The following QKI variants were observed in gnomAD, a reference collection of about 807,000 sequenced individuals.
QKI encodes QKI, KH domain containing RNA binding, also known as KH domain-containing RNA-binding protein QKI.
A neutral mutation model predicts 39.0 loss-of-function variants in QKI; 10 were observed. The ratio of observed to expected loss-of-function variants is 0.26; its 90% confidence interval spans 0.16 to 0.43. The LOEUF is 0.43. Among genes scored for constraint, QKI ranks in the 20% least tolerant of loss-of-function variants. The pLI, the probability that QKI is intolerant of heterozygous loss-of-function variation, is 1.00. For synonymous variants in QKI, 204 were observed against 155.4 expected, an observed-to-expected ratio of 1.31 and a Z score of -2.33; for missense variants, 218 against 428.0, an observed-to-expected ratio of 0.51 and a Z score of 4.33.
intron 1 of QKI, among the ~76,000 whole-genome samples, chr6:163,435,084 C>G (rs900753325): frequency 6.6e-6 from 1 of 152,116 alleles, no homozygotes; most frequent in African/African-American, 2.4e-5. Flanking sequence ...TTTTATCTCA[C>G]AGTGAATTCA....
intron 3 of QKI, among the ~76,000 whole-genome samples, chr6:163,481,517 C>T (rs1056408492): frequency 6.6e-6 from 1 of 152,104 alleles, no homozygotes; most frequent in Non-Finnish European, 1.5e-5. Flanking sequence ...AAATGAAAGG[C>T]TTAGGTGTAC....
At chr6:163,564,825 T>C in intron 6 of QKI, 5 of 1,581,422 alleles carry the variant, frequency 3.2e-6, no homozygotes, top group Non-Finnish European at 4.3e-6. Context: ...AATACTTTTT[T>C]TCCTGAATTG....
At chr6:163,497,680 T>C (rs1235290824) in intron 3 of QKI, among the ~76,000 whole-genome samples, 1 of 152,080 alleles carries the variant, frequency 6.6e-6, no homozygotes, top group Non-Finnish European at 1.5e-5. Flanking sequence ...CCCTATTACC[T>C]TTGTATTTTG....
intron 3 of QKI, among the ~76,000 whole-genome samples, chr6:163,495,217 A>C (rs1281278168): frequency 1.3e-5 from 2 of 152,090 alleles, no homozygotes; most frequent in Non-Finnish European, 2.9e-5. Flanking sequence ...GCTTGGCCTA[A>C]ATAAGGTGTC....
chr6:163,563,455 G>T lies in QKI; in HGVS notation c.670G>T (p.Ala224Ser). 6 of 1,613,392 alleles carry T rather than the reference G, an allele frequency of 3.7e-6. No homozygotes were observed. Among genetic ancestry groups the T allele is most frequent in the South Asian group, 1.1e-5 (1 of 91,052 alleles). The part of the protein sequence containing the change: ...LAFSLAATAQ[A>S]APRIITGPAP... ...CTTTTCTCTTGCAGCAACAGCCCAGGCTGCTCCAAGGATCATTACTGGGCC... is the reference window on the plus strand; with the variant it reads ...CTTTTCTCTTGCAGCAACAGCCCAGTCTGCTCCAAGGATCATTACTGGGCC... The change falls in exon 6 of 8, where the codon GCT (alanine) becomes TCT (serine). Residue 224 changes from alanine (A) to serine (S), a missense_variant. Physicochemically the swap from Ala to Ser is moderately conservative, Grantham distance 99. This residue lies in a region of QKI where 117 missense variants were observed against 186.0 expected (regional missense o/e 0.63). Coordinates refer to ENST00000361752, the MANE Select transcript of QKI (RefSeq NM_006775.3).
intron 4 of QKI, among the ~76,000 whole-genome samples, chr6:163,553,634 G>C (rs1043124900): frequency 2.6e-5 from 4 of 151,986 alleles, no homozygotes; most frequent in African/African-American, 9.7e-5. Flanking sequence ...TATCATGCCT[G>C]TTAAGATTAC....
At chr6:163,530,368 ATTTTAAG>A (rs1188507156) in intron 3 of QKI, among the ~76,000 whole-genome samples, 1 of 152,150 alleles carries the variant, frequency 6.6e-6, no homozygotes, top group African/African-American at 2.4e-5. Context: ...TACTATGGAT[ATTTTAAG>A]TTCAGAAGTA....
intron 3 of QKI, among the ~76,000 whole-genome samples, chr6:163,504,355 A>C (rs1399878036): frequency 1.3e-5 from 2 of 152,090 alleles, no homozygotes; most frequent in Non-Finnish European, 2.9e-5. Flanking sequence ...TTTTTTGGTT[A>C]CATGTGAATT....
Position 163,415,245 on chromosome 6 carries a change from C to T in QKI, c.52C>T (p.Leu18=), listed in dbSNP as rs764442951. 2.1e-5 allele frequency: 34 copies of T among 1,598,526 alleles called. No individual in the cohort carries two copies. The highest frequency in any genetic ancestry group is 1.9e-4 in the Admixed American group (11 of 58,956). Residue 18 remains leucine (L), a synonymous_variant, in exon 1 of 8, where the codon CTG becomes TTG. Coordinates refer to ENST00000361752, the MANE Select transcript of QKI (RefSeq NM_006775.3). ...GAAGCCGAAGCCCACCCCAGATTAC[C>T]TGATGCAGCTGATGAACGACAAGAA... is the stretch of plus-strand genomic sequence containing the variant. ...KEKPKPTPDY[L]MQLMNDKKLM...
chr6:163,455,139 A>G lies in QKI; in HGVS notation c.143-140A>G. ...GTTTAAACATGGGCTTAATCCAGAG[A>G]ATGATAGAATAGGCCAGGAGCTCCT... On this transcript the variant is annotated intron_variant, in intron 1 of 7. Transcript: ENST00000361752. 3 of 593,168 alleles carry G rather than the reference A, an allele frequency of 5.1e-6. No individual in the cohort carries two copies. In the East Asian group the frequency reaches 8.9e-5, roughly 18 times the overall value. 36.7% of individuals were successfully genotyped at this position (593,168 alleles called of 1,614,324 possible).
rs1225483960 is a variant in QKI at position 163,572,407 on chromosome 6, GAT to G, written c.*1699_*1700del. On this transcript the variant is annotated 3_prime_UTR_variant, in exon 8 of 8. Transcript: ENST00000361752. The stretch of plus-strand genomic sequence containing the variant: ...AATCACATGTCTTTATATCATACCA[GAT>G]AACTGGTGTAGTGTATCCTTTTACT... 1 of 152,042 alleles carries G rather than the reference GAT, an allele frequency of 6.6e-6. No homozygotes were observed. The highest frequency in any genetic ancestry group is 2.4e-5 in the African/African-American group (1 of 41,382). 9.4% of individuals were successfully genotyped at this position (152,042 alleles called of 1,614,324 possible).
intron 1 of QKI, among the ~76,000 whole-genome samples, chr6:163,437,648 G>C (rs1273200243): frequency 6.6e-6 from 1 of 152,132 alleles, no homozygotes; most frequent in East Asian, 1.9e-4. Context: ...TAATGTTACT[G>C]TTTCACATTG....
At chr6:163,538,116 T>C (rs570832661) in intron 4 of QKI, among the ~76,000 whole-genome samples, 1 of 152,188 alleles carries the variant, frequency 6.6e-6, no homozygotes, top group Non-Finnish European at 1.5e-5. Flanking sequence ...CCTCTGGGCC[T>C]TGTAGTTCAT....
chr6:163,531,842 G>C lies in QKI; in HGVS notation c.403-3140G>C, dbSNP rs1043732156. Among the ~76,000 whole-genome samples, 3 of 152,160 alleles carry C rather than the reference G, an allele frequency of 2.0e-5. No homozygotes were observed. In the South Asian group the frequency reaches 6.2e-4, roughly 31 times the overall value. On this transcript the variant is annotated intron_variant, in intron 3 of 7. Transcript: ENST00000361752. ...TTTTAAACTCTGCAGTGTTGTAGAA[G>C]AATTTTTGGTGGGAGTGTAAGTACA...
chr6:163,565,540 T>C, intron 6 of QKI: 1 of 990,364 alleles, frequency 1.0e-6, no homozygotes, highest in Non-Finnish European at 1.2e-6. Context: ...ATGTCTTTTG[T>C]TTGTTGGAAA....
At chr6:163,521,941 A>T (rs1209162084) in intron 3 of QKI, among the ~76,000 whole-genome samples, 1 of 152,156 alleles carries the variant, frequency 6.6e-6, no homozygotes, top group African/African-American at 2.4e-5. Flanking sequence ...ATGTTAATAT[A>T]ATGACAGAAA....
intron 1 of QKI, among the ~76,000 whole-genome samples, chr6:163,433,990 G>A (rs1173489669): frequency 6.6e-6 from 1 of 152,178 alleles, no homozygotes; most frequent in Admixed American, 6.5e-5. Context: ...GGTTGTGATT[G>A]ATAATATTGA....
intron 2 of QKI, among the ~76,000 whole-genome samples, chr6:163,461,058 A>C (rs1345173529): frequency 1.3e-5 from 2 of 152,216 alleles, no homozygotes; most frequent in Non-Finnish European, 2.9e-5. Flanking sequence ...ATTTGATAAT[A>C]TAGGGCATAT....
At chr6:163,484,590 T>C (rs1243370211) in intron 3 of QKI, among the ~76,000 whole-genome samples, 1 of 152,158 alleles carries the variant, frequency 6.6e-6, no homozygotes, top group East Asian at 1.9e-4. Context: ...CATTAGCCCC[T>C]AACAAGAGAA....
Sources: allele counts gnomAD v4.1 joint callset (sites outside exome capture counted in the v4.1 genomes callset), GRCh38; gene constraint gnomAD v4.1.1; regional missense constraint gnomAD v4.1.1; transcripts MANE v1.5; gene names NCBI Gene and HGNC (gene_info 2026-07-23, HGNC 2026-07-21).